MATR3: variants seen among roughly 807,000 people sequenced by gnomAD.
MATR3 encodes matrin 3, also known as matrin-3.
A neutral mutation model predicts 85.5 loss-of-function variants in MATR3; 4 were observed. The observed-to-expected ratio is 0.05, with a 90% CI of 0.02 to 0.11. MATR3 has a LOEUF of 0.11. Among genes scored for constraint, MATR3 ranks in the 10% least tolerant of loss-of-function variants. The pLI, the probability that MATR3 is intolerant of heterozygous loss-of-function variation, is 1.00. For synonymous variants in MATR3, 336 were observed against 343.1 expected (o/e 0.98, Z 0.23); for missense variants, 685 against 1,016.1 (o/e 0.67, Z 4.43).
intron 1 of MATR3, among the ~76,000 whole-genome samples, chr5:139,295,786 A>G (rs1754116513): frequency 6.6e-6 from 1 of 152,220 alleles, no homozygotes; most frequent in Admixed American, 6.5e-5. Flanking sequence ...TGCAAATAGT[A>G]GCAGTGCTGT....
intron 14 of MATR3, among the ~76,000 whole-genome samples, 188 bp from the exon 15 acceptor site, chr5:139,329,157 C>T (rs1408756181): frequency 1.3e-5 from 2 of 151,980 alleles, no homozygotes; most frequent in East Asian, 1.9e-4. Context: ...ACCATTTTTT[C>T]CCCGTGCCTT....
At position 139,307,168 on chromosome 5, in the gene MATR3, AG is replaced by A; in HGVS notation, c.-177-70del. On this transcript the variant is annotated intron_variant, in intron 1 of 14. Coordinates refer to ENST00000394805, the MANE Select transcript of MATR3 (RefSeq NM_018834.6). The surrounding 1 kb of genome is among the most constrained non-coding windows in gnomAD (Gnocchi z 4.4). ...TTTTTTTAAATCAACATGATGCATA[AG>A]TTTTTTTTTCTTAAAAAAACGGCAT... is the stretch of plus-strand genomic sequence containing the variant. The A allele has an allele frequency of 9.4e-7, 1 of 1,061,844 alleles. No individual in the cohort carries two copies. Among genetic ancestry groups the A allele is most frequent in the Non-Finnish European group, 1.2e-6 (1 of 846,780 alleles). 65.8% of individuals were successfully genotyped at this position (1,061,844 alleles called of 1,614,324 possible). A position where few individuals can be genotyped will look rare whatever the true frequency, so the allele number is the denominator to read the frequency against.
At chr5:139,311,213 T>C (rs1754954994) in intron 2 of MATR3, 1 of 152,228 alleles carries the variant, frequency 6.6e-6, no homozygotes, top group Non-Finnish European at 1.5e-5. Flanking sequence ...AGTTATACTT[T>C]TTTCTGCCAT....
chr5:139,300,790 A>T (rs573489765), intron 1 of MATR3, among the ~76,000 whole-genome samples: 1 of 150,672 alleles, frequency 6.6e-6, no homozygotes, highest in Admixed American at 6.6e-5. Flanking sequence ...TTACAGGCAC[A>T]TGCCACCACA....
At chr5:139,294,158 A>G (rs1414003025) in intron 1 of MATR3, 2 of 922,840 alleles carry the variant, frequency 2.2e-6, no homozygotes, top group African/African-American at 1.7e-5. Flanking sequence ...CGGGGGCGGG[A>G]CGACTAGCCC....
intron 2 of MATR3, among the ~76,000 whole-genome samples, chr5:139,309,889 A>C (rs1754884971): frequency 6.6e-6 from 1 of 152,198 alleles, no homozygotes; most frequent in Non-Finnish European, 1.5e-5. Context: ...ATAAGGAAAT[A>C]ATAGCAGAAA....
intron 3 of MATR3, chr5:139,282,686 A>T (rs1387007927): frequency 6.6e-6 from 1 of 152,236 alleles, no homozygotes; most frequent in Non-Finnish European, 1.5e-5. Flanking sequence ...ACTAAAGTCC[A>T]TACTTTGTTC....
chr5:139,327,113 A>G lies in MATR3; in HGVS notation c.2493+829A>G, dbSNP rs536689920. ...AATTATCAGCTTCTTTGGACTACCT[A>G]TTGAAATAGTGACTGAAACTTAAAA... On this transcript the variant is annotated intron_variant, in intron 14 of 14. Transcript: ENST00000394805. Among the ~76,000 whole-genome samples, 34 of 152,340 alleles carry G rather than the reference A, an allele frequency of 2.2e-4. No individual in the cohort carries two copies. In the South Asian group the frequency reaches 3.9e-3, roughly 18 times the overall value.
chr5:139,284,823 CTT>C (rs1561920777), intron 3 of MATR3, among the ~76,000 whole-genome samples: 3 of 152,118 alleles, frequency 2.0e-5, no homozygotes. Context: ...GAGGATATAA[CTT>C]ATAACCAGAT....
chr5:139,324,308 T>TG (rs1561943925), intron 12 of MATR3, among the ~76,000 whole-genome samples: 1 of 149,910 alleles, frequency 6.7e-6, no homozygotes, highest in East Asian at 1.9e-4. Flanking sequence ...TTTTTTTTTT[T>TG]TTGGAGACGG....
intron 3 of MATR3, among the ~76,000 whole-genome samples, chr5:139,287,258 C>T (rs980727711): frequency 6.6e-6 from 1 of 152,008 alleles, no homozygotes; most frequent in South Asian, 2.1e-4. Flanking sequence ...CTTGCTTTTT[C>T]CTCTACTCAA....
At position 139,318,299 on chromosome 5, in the gene MATR3, G is replaced by T. The variant is rs551635194; in HGVS notation, c.1308+578G>T. Among the ~76,000 whole-genome samples, 7 of 152,024 alleles carry T rather than the reference G, an allele frequency of 4.6e-5. No homozygotes were observed. In the East Asian group the frequency reaches 1.4e-3, roughly 29 times the overall value. On this transcript the variant is annotated intron_variant, in intron 7 of 14. Transcript: ENST00000394805. The stretch of plus-strand genomic sequence containing the variant: ...CAGCCGCCCACTATCATGCTCAGCT[G>T]ATTTTTGTATTTTTAGTAGAGATGG...
chr5:139,295,275 C>T (rs918949735), intron 1 of MATR3, among the ~76,000 whole-genome samples: 1 of 152,186 alleles, frequency 6.6e-6, no homozygotes, highest in African/African-American at 2.4e-5. Flanking sequence ...GTTGCAAAAA[C>T]GCTCTGGATG....
At chr5:139,322,169 CT>C in intron 10 of MATR3, 140 bp downstream of exon 10, 4 of 1,080,018 alleles carry the variant, frequency 3.7e-6, no homozygotes, top group South Asian at 1.4e-5. Context: ...AGAGAACAAC[CT>C]TTTTTTCTGG....
intron 1 of MATR3, among the ~76,000 whole-genome samples, chr5:139,296,013 G>T (rs1219599292): frequency 6.6e-6 from 1 of 152,120 alleles, no homozygotes; most frequent in Non-Finnish European, 1.5e-5. Context: ...CTGTAGAGAC[G>T]TGTTCTCACA....
At chr5:139,320,335 A>G (rs1321001123) in intron 9 of MATR3, among the ~76,000 whole-genome samples, 1 of 152,050 alleles carries the variant, frequency 6.6e-6, no homozygotes, top group African/African-American at 2.4e-5. Context: ...GTTAGGCTGG[A>G]TGCATTGGCT....
chr5:139,326,041 T>A, intron 13 of MATR3, 122 bp from the exon 14 acceptor site: 1 of 911,080 alleles, frequency 1.1e-6, no homozygotes, highest in South Asian at 1.6e-5. Context: ...GTTTTTTATC[T>A]TAGGCTGTAT....
At chr5:139,326,422 CTTTTT>C in intron 14 of MATR3, 138 bp downstream of exon 14, 2 of 537,484 alleles carry the variant, frequency 3.7e-6, no homozygotes, top group Non-Finnish European at 6.0e-6. Flanking sequence ...TTTTTATTTA[CTTTTT>C]TTTTTTTTTT....
At chr5:139,279,256 T>A (rs989999317) in intron 3 of MATR3, 1 of 433,020 alleles carries the variant, frequency 2.3e-6, no homozygotes, top group Admixed American at 2.4e-5. Context: ...GGGGACGGAG[T>A]CTTGCTCAGT....
Sources: allele counts gnomAD v4.1 joint callset (sites outside exome capture counted in the v4.1 genomes callset), GRCh38; gene constraint gnomAD v4.1.1; non-coding constraint Gnocchi (gnomAD v3.1); transcripts MANE v1.5; gene names NCBI Gene and HGNC (gene_info 2026-07-23, HGNC 2026-07-21).